Variants in GRIK2 observed in about 807,000 individuals in gnomAD.
GRIK2 encodes the protein glutamate receptor ionotropic, kainate 2.
GRIK2 carries 32 observed loss-of-function variants against 100.3 expected under a neutral mutation model. The observed-to-expected ratio is 0.32, with a 90% CI of 0.24 to 0.43. The LOEUF (loss-of-function observed/expected upper bound fraction) is 0.43, where lower values mean the gene tolerates loss of function less well. Ranked by LOEUF, GRIK2 falls within the 20% of genes least tolerant of loss-of-function variation. The pLI, the probability that GRIK2 is intolerant of heterozygous loss-of-function variation, is 1.00. For missense variants in GRIK2, 843 were observed against 1,114.9 expected (o/e 0.76, Z 3.47); for synonymous variants, 417 against 389.4 (o/e 1.07, Z -0.83).
intron 14 of GRIK2, among the ~76,000 whole-genome samples, chr6:102,021,160 A>T (rs1179671125): frequency 6.6e-6 from 1 of 151,794 alleles, no homozygotes; most frequent in African/African-American, 2.4e-5. Flanking sequence ...CTGAATGATA[A>T]AGACAAATAG....
At chr6:101,627,175 T>C (rs1780504342) in intron 4 of GRIK2, among the ~76,000 whole-genome samples, 1 of 151,570 alleles carries the variant, frequency 6.6e-6, no homozygotes, top group Admixed American at 6.6e-5. Flanking sequence ...ATAGAGTCAC[T>C]CTGTCGCCCA....
chr6:101,783,359 T>C (rs949053298), intron 7 of GRIK2, among the ~76,000 whole-genome samples: 2 of 152,118 alleles, frequency 1.3e-5, no homozygotes, highest in African/African-American at 4.8e-5. Flanking sequence ...CATATCTTGC[T>C]TCCCCTTTGC....
In GRIK2 at chr6:102,023,960, A is replaced by T. The variant is rs148497687; in HGVS notation, c.2086-11381A>T. Among the ~76,000 whole-genome samples the T allele has an allele frequency of 2.7e-4, 41 of 151,534 alleles. No homozygotes were observed. The East Asian group carries it at 4.3e-3, about 16-fold the overall frequency. On this transcript the variant is annotated intron_variant, in intron 14 of 16. Transcript: ENST00000369134. ...AGGTCTTTAATGCGCATGAGGCTCC[A>T]GTGGGATTGGAAAATATTACCGGTA...
intron 2 of GRIK2, among the ~76,000 whole-genome samples, chr6:101,484,810 G>A (rs544706877): frequency 1.4e-4 from 21 of 151,930 alleles, no homozygotes; most frequent in Admixed American, 3.3e-4. Context: ...CAATGCTTAG[G>A]TAGATTATAT....
intron 2 of GRIK2, among the ~76,000 whole-genome samples, chr6:101,573,693 T>A (rs1777661458): frequency 6.6e-6 from 1 of 152,150 alleles, no homozygotes; most frequent in African/African-American, 2.4e-5. Context: ...TACTTATTTT[T>A]TTCCAGGGTG....
chr6:101,717,925 A>G (rs1774182403), intron 7 of GRIK2, among the ~76,000 whole-genome samples: 1 of 151,766 alleles, frequency 6.6e-6, no homozygotes. Context: ...ATAAATAGCT[A>G]GTTCCTATAA....
At chr6:101,824,112 T>C (rs1782154984) in intron 10 of GRIK2, among the ~76,000 whole-genome samples, 1 of 152,166 alleles carries the variant, frequency 6.6e-6, no homozygotes, top group East Asian at 1.9e-4. Flanking sequence ...CTTGAACTCC[T>C]GACTTGTGGT....
chr6:101,514,918 G>T (rs563532224), intron 2 of GRIK2, among the ~76,000 whole-genome samples: 1 of 152,174 alleles, frequency 6.6e-6, no homozygotes, highest in African/African-American at 2.4e-5. Context: ...TTTTCCAGAG[G>T]TTATTGGGGT....
At chr6:101,613,917 A>AT (rs778032509) in intron 2 of GRIK2, among the ~76,000 whole-genome samples, 12 of 151,796 alleles carry the variant, frequency 7.9e-5, no homozygotes, top group Non-Finnish European at 1.8e-4. Flanking sequence ...TTGGGATTAA[A>AT]TGTATCTCAA....
rs989554915 is a variant in GRIK2, at chr6:101,749,803, CTTTTTTT to C, written c.952-49828_952-49822del. ...ACTGAAAACTTGTGTGTGCCAGTTT[CTTTTTTT>C]TTTTTTTTTTTTTTTTGTGTGAGAC... On this transcript the variant is annotated intron_variant, in intron 7 of 16. Transcript: ENST00000369134. Among the ~76,000 whole-genome samples, 206 of 92,554 alleles carry C rather than the reference CTTTTTTT, an allele frequency of 2.2e-3. 1 individual carries two copies. The highest frequency in any genetic ancestry group is 3.3e-3 in the Admixed American group (25 of 7,492). The allele number at this position is 92,554 out of a possible 152,430, so 60.7% of individuals were successfully genotyped here.
At chr6:101,718,130 A>G (rs1448667944) in intron 7 of GRIK2, among the ~76,000 whole-genome samples, 1 of 151,830 alleles carries the variant, frequency 6.6e-6, no homozygotes, top group East Asian at 1.9e-4. Flanking sequence ...ATAAAAAATA[A>G]TTGAAAACTG....
At chr6:101,857,716 G>A (rs7761072) in intron 10 of GRIK2, among the ~76,000 whole-genome samples, 2,489 of 152,326 alleles carry the variant, frequency 0.016, 28 homozygotes, top group Middle Eastern at 0.054. Flanking sequence ...TTTATTCATA[G>A]CAGCACAGTC....
chr6:101,521,931 C>G (rs1041277615), intron 2 of GRIK2, among the ~76,000 whole-genome samples: 25 of 151,920 alleles, frequency 1.6e-4, no homozygotes, highest in African/African-American at 6.0e-4. Context: ...AACAGTAAAG[C>G]AAGATATTTA....
intron 14 of GRIK2, among the ~76,000 whole-genome samples, chr6:101,996,060 G>A (rs1233252391): frequency 3.3e-5 from 5 of 151,864 alleles, no homozygotes; most frequent in Admixed American, 6.6e-5. Flanking sequence ...TGAGTAAATT[G>A]TTTCAGATTT....
At chr6:101,520,280 C>A (rs1190838783) in intron 2 of GRIK2, among the ~76,000 whole-genome samples, 1 of 151,504 alleles carries the variant, frequency 6.6e-6, no homozygotes, top group African/African-American at 2.4e-5. Context: ...AGGAAAATTT[C>A]TTCCTTAATT....
At chr6:101,763,922 A>AT (rs1387536754) in intron 7 of GRIK2, among the ~76,000 whole-genome samples, 1 of 152,128 alleles carries the variant, frequency 6.6e-6, no homozygotes, top group Non-Finnish European at 1.5e-5. Context: ...GTTTGCACAA[A>AT]TAAGTCTAAG....
rs1187220297 is a variant in GRIK2 at position 101,695,560 on chromosome 6, CTA to C, written c.951+9211_951+9212del. Among the ~76,000 whole-genome samples, 3 of 151,986 alleles carry C rather than the reference CTA, an allele frequency of 2.0e-5. No individual in the cohort carries two copies. The South Asian group carries it at 6.2e-4, about 32-fold the overall frequency. ...ACTAAACTATACTATTTATACATAT[CTA>C]TATCTATTTACTAGAAAGACAGTGT... On this transcript the variant is annotated intron_variant, in intron 7 of 16. Transcript: ENST00000369134.
chr6:101,733,982 C>G (rs991758207), intron 7 of GRIK2, among the ~76,000 whole-genome samples: 2 of 151,970 alleles, frequency 1.3e-5, no homozygotes, highest in Non-Finnish European at 2.9e-5. Context: ...TTTTATGTTT[C>G]TTTAAAATTT....
At chr6:101,897,668 A>C (rs1278933688) in intron 12 of GRIK2, among the ~76,000 whole-genome samples, 1 of 151,956 alleles carries the variant, frequency 6.6e-6, no homozygotes, top group Non-Finnish European at 1.5e-5. Context: ...ATATGAACAT[A>C]TACCTTTAAA....
Sources: allele counts gnomAD v4.1 joint callset (sites outside exome capture counted in the v4.1 genomes callset), GRCh38; gene constraint gnomAD v4.1.1; transcripts MANE v1.5; gene names NCBI Gene and HGNC (gene_info 2026-07-23, HGNC 2026-07-21).